The following PLA2G7 variants were observed in gnomAD, a reference collection of about 807,000 sequenced individuals.
The protein encoded by PLA2G7 is platelet-activating factor acetylhydrolase.
A neutral mutation model predicts 49.6 loss-of-function variants in PLA2G7; 63 were observed. That is an observed-to-expected ratio of 1.27 (90% confidence interval 1.04 to 1.57). PLA2G7 has a LOEUF of 1.57. Ranked by LOEUF, PLA2G7 falls within the 40% of genes most tolerant of loss-of-function variation. The pLI is 0.00. For synonymous variants in PLA2G7, 193 were observed against 169.9 expected (o/e 1.14, Z -1.06); for missense variants, 596 against 521.2 (o/e 1.14, Z -1.40).
intron 2 of PLA2G7, among the ~76,000 whole-genome samples, chr6:46,719,443 C>T (rs1200761590): frequency 6.6e-6 from 1 of 152,164 alleles, no homozygotes; most frequent in Non-Finnish European, 1.5e-5. Context: ...TCCACTCAAT[C>T]AGAAAAGGAG....
intron 2 of PLA2G7, among the ~76,000 whole-genome samples, chr6:46,722,028 T>G (rs773153849): frequency 3.9e-5 from 6 of 152,116 alleles, no homozygotes; most frequent in Non-Finnish European, 5.9e-5. Flanking sequence ...ATCACAATCC[T>G]CTGGGATGAG....
intron 5 of PLA2G7, among the ~76,000 whole-genome samples, chr6:46,714,185 G>GT (rs1765121215): frequency 1.3e-5 from 2 of 152,176 alleles, no homozygotes; most frequent in African/African-American, 4.8e-5. Context: ...AATTTTAAGA[G>GT]TGTAAATATT....
chr6:46,710,372 T>C (rs1764969711), intron 8 of PLA2G7, among the ~76,000 whole-genome samples, 173 bp downstream of exon 8: 1 of 152,224 alleles, frequency 6.6e-6, no homozygotes, highest in African/African-American at 2.4e-5. Flanking sequence ...TAATGCATTC[T>C]TCATTGCTGC....
At position 46,704,455 on chromosome 6, in the gene PLA2G7, C is replaced by G; in HGVS notation, c.*105G>C. ...ATACATTAAAATTCTCTCTCTCTCT[C>G]TCTCTCTCTCTCTCTCTCTCTCTCA... On this transcript the variant is annotated 3_prime_UTR_variant, in exon 12 of 12. Transcript: ENST00000274793. 3.6e-6 allele frequency: 2 copies of G among 552,128 alleles called. No individual in the cohort carries two copies. Among genetic ancestry groups the G allele is most frequent in the Non-Finnish European group, 6.4e-6 (2 of 314,602 alleles). The allele number at this position is 552,128 out of a possible 1,614,324, so 34.2% of individuals were successfully genotyped here. A position where few individuals can be genotyped will look rare whatever the true frequency, so the allele number is the denominator to read the frequency against.
At chr6:46,709,469 G>A (rs750393881) in intron 8 of PLA2G7, 51 bp from the exon 9 acceptor site, 2 of 1,018,296 alleles carry the variant, frequency 2.0e-6, no homozygotes, top group African/African-American at 3.2e-5. Context: ...GGTGTTAGAA[G>A]AAATGATTTT....
intron 1 of PLA2G7, among the ~76,000 whole-genome samples, chr6:46,728,384 C>T (rs1765633254): frequency 6.6e-6 from 1 of 152,098 alleles, no homozygotes; most frequent in African/African-American, 2.4e-5. Context: ...ACAGGACAGC[C>T]CTACAACATA....
chr6:46,728,949 G>GTTC (rs941408662), intron 1 of PLA2G7, among the ~76,000 whole-genome samples: 1 of 152,176 alleles, frequency 6.6e-6, no homozygotes, highest in African/African-American at 2.4e-5. Flanking sequence ...CTTCAGTTAA[G>GTTC]TTCTTACCTA....
chr6:46,712,255 A>G lies in PLA2G7; in HGVS notation c.539+14T>C, dbSNP rs745617098. ...GTAGTTGGCCAAAGAGCCCAATTAT[A>G]TCAGGTAACATACCTGTGTTCTACA... On this transcript the variant is annotated intron_variant, in intron 6 of 11. Coordinates refer to ENST00000274793, the MANE Select transcript of PLA2G7 (RefSeq NM_005084.4). 6.4e-7 allele frequency: 1 copy of G among 1,571,240 alleles called. No individual in the cohort carries two copies. Among genetic ancestry groups the G allele is most frequent in the South Asian group, 1.1e-5 (1 of 90,260 alleles).
chr6:46,708,181 A>G lies in PLA2G7; in HGVS notation c.870-20T>C, dbSNP rs1307151329. ...CCACATCTGTAGATATTTGTTGACA[A>G]TGATGAAATTAAACTGGTTACATAC... On this transcript the variant is annotated intron_variant, in intron 9 of 11. Transcript: ENST00000274793. 6 of 1,595,008 alleles carry G rather than the reference A, an allele frequency of 3.8e-6. No homozygotes were observed. The highest frequency in any genetic ancestry group is 2.2e-5 in the South Asian group (2 of 90,684).
chr6:46,722,265 C>G (rs1438661829), intron 2 of PLA2G7, among the ~76,000 whole-genome samples: 2 of 152,190 alleles, frequency 1.3e-5, no homozygotes, highest in Admixed American at 1.3e-4. Context: ...CTACTTCTCT[C>G]TATTATCAGG....
In PLA2G7 at chr6:46,717,080, T is replaced by G; in HGVS notation, c.126A>C (p.Ile42=). The G allele has an allele frequency of 1.2e-6, 2 of 1,613,756 alleles. No individual in the cohort carries two copies. The highest frequency in any genetic ancestry group is 1.7e-6 in the Non-Finnish European group (2 of 1,179,624). ...HMKSSAWVNK[I]QVLMAAASFG... is the part of the protein sequence containing the mutation. ...AGCTTGCAGCAGCCATCAGTACTTG[T>G]ATTTTGTTGACCCATGCTGAAAAAC... is the stretch of plus-strand genomic sequence containing the variant. The change falls in exon 3 of 12, where the codon ATA becomes ATC. Residue 42 remains isoleucine (I), a synonymous_variant. Coordinates refer to ENST00000274793, the MANE Select transcript of PLA2G7 (RefSeq NM_005084.4).
At chr6:46,705,351 A>AT (rs1333445378) in intron 10 of PLA2G7, 50 bp from the exon 11 acceptor site, 9 of 1,490,476 alleles carry the variant, frequency 6.0e-6, no homozygotes, top group Admixed American at 3.4e-5. Context: ...TAAAATTATT[A>AT]TTTTTTTAGT....
chr6:46,711,696 T>C lies in PLA2G7; in HGVS notation c.540-77A>G, dbSNP rs141592030. ...TGACCCATGTTTCTCAGTTCCATCC[T>C]TGACTCAACTTCCTCTGATCTTTTG... On this transcript the variant is annotated intron_variant, in intron 6 of 11. Transcript: ENST00000274793. 9.1e-4 allele frequency: 1,283 copies of C among 1,414,176 alleles called. 3 individuals carry two copies. Among genetic ancestry groups the C allele is most frequent in the Non-Finnish European group, 1.2e-3 (1,175 of 1,002,914 alleles). The allele number at this position is 1,414,176 out of a possible 1,614,324, so 87.6% of individuals were successfully genotyped here.
chr6:46,726,165 A>G (rs1241471969), intron 1 of PLA2G7, among the ~76,000 whole-genome samples: 3 of 152,208 alleles, frequency 2.0e-5, no homozygotes, highest in Non-Finnish European at 4.4e-5. Context: ...CTTATAACCT[A>G]CAATCAGATT....
At chr6:46,731,022 A>G (rs923395389) in intron 1 of PLA2G7, among the ~76,000 whole-genome samples, 2 of 152,206 alleles carry the variant, frequency 1.3e-5, no homozygotes, top group Admixed American at 1.3e-4. Flanking sequence ...AGGGACTATT[A>G]AGTCACGAGC....
At chr6:46,724,042 C>T (rs1235241396) in intron 1 of PLA2G7, among the ~76,000 whole-genome samples, 1 of 152,262 alleles carries the variant, frequency 6.6e-6, no homozygotes, top group Non-Finnish European at 1.5e-5. Flanking sequence ...TATGGGAATG[C>T]TCTTTGCTCT....
At chr6:46,711,960 T>C (rs1352586068) in intron 6 of PLA2G7, among the ~76,000 whole-genome samples, 1 of 152,178 alleles carries the variant, frequency 6.6e-6, no homozygotes, top group East Asian at 1.9e-4. Context: ...CACCTCTATA[T>C]TCCTCTTCCT....
intron 2 of PLA2G7, among the ~76,000 whole-genome samples, chr6:46,721,410 A>G (rs1305302926): frequency 2.0e-5 from 3 of 152,074 alleles, no homozygotes; most frequent in Non-Finnish European, 4.4e-5. Flanking sequence ...GACTATAAAG[A>G]TAAAGCAACG....
chr6:46,704,644 CTCA>C lies in PLA2G7; in HGVS notation c.1239_1241del (p.Asp413del), dbSNP rs1562065497. 1.9e-6 allele frequency: 3 copies of C among 1,577,774 alleles called. No homozygotes were observed. The highest frequency in any genetic ancestry group is 2.6e-6 in the Non-Finnish European group (3 of 1,146,976). On this transcript the variant is annotated inframe_deletion, in exon 12 of 12. Transcript: ENST00000274793. ...TAATGTTGGTCCCTGGAATAAGATT[CTCA>C]TCATCTCCTTCAATCAAGCAGTCCC... is the stretch of plus-strand genomic sequence containing the variant.
Sources: gnomAD v4.1 joint callset for allele counts (sites outside exome capture counted in the v4.1 genomes callset) on GRCh38, gnomAD v4.1.1 for gene constraint, MANE v1.5 for transcripts, NCBI Gene and HGNC (gene_info 2026-07-23, HGNC 2026-07-21) for gene names.